Variants in TULP4 observed in about 807,000 individuals in gnomAD.
TULP4 encodes the protein tubby-related protein 4.
Under a neutral mutation model 129.0 loss-of-function variants are expected in TULP4, and 16 were observed. That is an observed-to-expected ratio of 0.12 (90% CI 0.08 to 0.19). TULP4 has a LOEUF of 0.19. Among genes scored for constraint, TULP4 ranks in the 10% least tolerant of loss-of-function variants. The pLI, the probability that TULP4 is intolerant of heterozygous loss-of-function variation, is 1.00. For synonymous variants in TULP4, 998 were observed against 854.0 expected, an observed-to-expected ratio of 1.17 and a Z score of -2.94; for missense variants, 1,842 against 2,059.1, an observed-to-expected ratio of 0.89 and a Z score of 2.04.
upstream of TULP4, among the ~76,000 whole-genome samples, chr6:158,307,738 C>T (rs1170787384): frequency 6.6e-6 from 1 of 152,146 alleles, no homozygotes; most frequent in Non-Finnish European, 1.5e-5. Flanking sequence ...GCCTTGGCCT[C>T]CCAAAGTCTT....
At chr6:158,436,399 G>T (rs1313911918) in intron 3 of TULP4, among the ~76,000 whole-genome samples, 2 of 152,204 alleles carry the variant, frequency 1.3e-5, no homozygotes, top group African/African-American at 4.8e-5. Context: ...GGAGGTTAAT[G>T]GTTCTCCTGA....
chr6:158,283,146 A>C (rs1778786368), intron 1 of TULP4, among the ~76,000 whole-genome samples: 1 of 151,776 alleles, frequency 6.6e-6, no homozygotes, highest in African/African-American at 2.4e-5. Context: ...CTCAAAAAAA[A>C]AAAAACAAAA....
At chr6:158,252,116 G>A (rs1409581794) in intron 1 of TULP4, among the ~76,000 whole-genome samples, 1 of 152,138 alleles carries the variant, frequency 6.6e-6, no homozygotes, top group Non-Finnish European at 1.5e-5. Flanking sequence ...TAGGCCTGTA[G>A]CATTTCATTT....
At chr6:158,425,190 A>T (rs1217928496) in intron 2 of TULP4, among the ~76,000 whole-genome samples, 1 of 143,630 alleles carries the variant, frequency 7.0e-6, no homozygotes, top group Admixed American at 7.1e-5. Flanking sequence ...AGACAATGTC[A>T]TACACCTACT....
At chr6:158,351,707 CTTTTTTTTTTTTT>C (rs1160814801) in intron 1 of TULP4, among the ~76,000 whole-genome samples, 6 of 50,496 alleles carry the variant, frequency 1.2e-4, no homozygotes, top group African/African-American at 3.3e-4. Context: ...TGTTGTTAAA[CTTTTTTTTTTTTT>C]TTTTTTTTTT....
intron 3 of TULP4, among the ~76,000 whole-genome samples, chr6:158,442,889 C>T (rs1316804687): frequency 1.3e-5 from 2 of 151,702 alleles, no homozygotes; most frequent in Non-Finnish European, 2.9e-5. Context: ...TCTCTGCTCA[C>T]TGCAACCTCC....
In TULP4 at chr6:158,502,751, C is replaced by T. The variant is rs1333388838; in HGVS notation, c.3088C>T (p.Pro1030Ser). The change falls in exon 13 of 14, where the codon CCC (proline) becomes TCC (serine). Residue 1030 changes from proline (P) to serine (S), a missense_variant. This residue lies in a region of TULP4 where 1,089 missense variants were observed against 987.1 expected (regional missense o/e 1.10). Transcript: ENST00000367097. ...GGVVTQLPAR[P>S]PPALYTCSQC... Reference sequence around the variant, plus strand: ...GGTGGTGACACAGCTCCCAGCGCGGCCCCCACCTGCCCTGTACACCTGCAG... The same window carrying T: ...GGTGGTGACACAGCTCCCAGCGCGGTCCCCACCTGCCCTGTACACCTGCAG... The T allele has an allele frequency of 5.7e-6, 9 of 1,589,010 alleles. No individual in the cohort carries two copies. The highest frequency in any genetic ancestry group is 4.5e-5 in the East Asian group (2 of 44,484).
intron 1 of TULP4, among the ~76,000 whole-genome samples, chr6:158,276,172 G>T (rs769701800): frequency 6.6e-6 from 1 of 151,974 alleles, no homozygotes; most frequent in Non-Finnish European, 1.5e-5. Flanking sequence ...GTTTTACCAT[G>T]TTGGGCAGGC....
chr6:158,365,923 G>C (rs1230247624), intron 1 of TULP4, among the ~76,000 whole-genome samples: 1 of 55,162 alleles, frequency 1.8e-5, no homozygotes, highest in African/African-American at 7.4e-5. Context: ...TTTTTTTTGA[G>C]ATGGAGTCTC....
chr6:158,233,934 C>T (rs764003734), intron 1 of TULP4, among the ~76,000 whole-genome samples: 1 of 152,022 alleles, frequency 6.6e-6, no homozygotes, highest in Non-Finnish European at 1.5e-5. Context: ...TTGTTTTTTA[C>T]ATGATGTGGG....
At chr6:158,408,556 T>G (rs1436325245) in intron 1 of TULP4, among the ~76,000 whole-genome samples, 1 of 152,018 alleles carries the variant, frequency 6.6e-6, no homozygotes, top group African/African-American at 2.4e-5. Context: ...CACAACTCCG[T>G]GAGGGGTGTG....
At chr6:158,354,405 G>C (rs1780594952) in intron 1 of TULP4, among the ~76,000 whole-genome samples, 1 of 152,112 alleles carries the variant, frequency 6.6e-6, no homozygotes, top group Non-Finnish European at 1.5e-5. Context: ...GTACTCACAG[G>C]CTGGCATTTT....
intron 1 of TULP4, among the ~76,000 whole-genome samples, chr6:158,393,333 C>T (rs901309776): frequency 5.3e-5 from 8 of 152,246 alleles, no homozygotes; most frequent in African/African-American, 1.2e-4. Flanking sequence ...TACAAGCTGT[C>T]GGTGGACCTA....
intron 1 of TULP4, among the ~76,000 whole-genome samples, chr6:158,357,600 AGCTATACCTTT>A (rs1780677897): frequency 6.6e-6 from 1 of 152,198 alleles, no homozygotes; most frequent in Admixed American, 6.5e-5. Flanking sequence ...TGGCTGGTGA[AGCTATACCTTT>A]GCTCTGATGT....
chr6:158,237,188 A>G (rs1283619826), intron 1 of TULP4: 2 of 664,692 alleles, frequency 3.0e-6, no homozygotes, highest in Non-Finnish European at 5.3e-6. Flanking sequence ...TTTGAGGAAG[A>G]TGTTTTCCAT....
intron 13 of TULP4, among the ~76,000 whole-genome samples, chr6:158,505,035 T>A (rs1363960946): frequency 6.6e-6 from 1 of 152,234 alleles, no homozygotes; most frequent in Non-Finnish European, 1.5e-5. Flanking sequence ...TGTATACTTT[T>A]CTTCCCCTAG....
intron 9 of TULP4, among the ~76,000 whole-genome samples, chr6:158,490,222 C>G (rs1780169510): frequency 6.6e-6 from 1 of 152,090 alleles, no homozygotes; most frequent in Non-Finnish European, 1.5e-5. Flanking sequence ...ATGGTGAAAC[C>G]CCGTCCCTAC....
chr6:158,422,707 C>G (rs1159369364), intron 2 of TULP4, among the ~76,000 whole-genome samples: 1 of 152,230 alleles, frequency 6.6e-6, no homozygotes, highest in African/African-American at 2.4e-5. Flanking sequence ...GGTCTATATG[C>G]AGAGGCTGAA....
chr6:158,311,153 A>G (rs528236092), upstream of TULP4, among the ~76,000 whole-genome samples: 1 of 152,328 alleles, frequency 6.6e-6, no homozygotes, highest in African/African-American at 2.4e-5. Flanking sequence ...TTGATGCTAC[A>G]GGCCAGTAGT....
Sources: allele counts gnomAD v4.1 joint callset (sites outside exome capture counted in the v4.1 genomes callset), GRCh38; gene constraint gnomAD v4.1.1; regional missense constraint gnomAD v4.1.1; transcripts MANE v1.5; gene names NCBI Gene and HGNC (gene_info 2026-07-23, HGNC 2026-07-21).